The following CCDC60 variants were observed in gnomAD, a reference collection of about 807,000 sequenced individuals.
CCDC60 encodes coiled-coil domain containing 60.
CCDC60 carries 54 observed loss-of-function variants against 63.5 expected under a neutral mutation model. The ratio of observed to expected loss-of-function variants is 0.85; its 90% CI spans 0.68 to 1.07. The LOEUF (loss-of-function observed/expected upper bound fraction) is 1.07, where lower values mean the gene tolerates loss of function less well. Ranked by LOEUF, CCDC60 falls within the 50% of genes least tolerant of loss-of-function variation. The pLI, the probability that CCDC60 is intolerant of heterozygous loss-of-function variation, is 0.00. For synonymous variants in CCDC60, 206 were observed against 238.8 expected (o/e 0.86, Z 1.27); for missense variants, 651 against 684.3 (o/e 0.95, Z 0.54).
At chr12:119,444,965 A>T (rs1215006226) in intron 2 of CCDC60, among the ~76,000 whole-genome samples, 2 of 152,152 alleles carry the variant, frequency 1.3e-5, no homozygotes, top group Non-Finnish European at 2.9e-5. Flanking sequence ...ATAGTACATA[A>T]AGCATTTTAA....
At chr12:119,500,496 C>T (rs1030793193) in intron 6 of CCDC60, among the ~76,000 whole-genome samples, 2 of 151,670 alleles carry the variant, frequency 1.3e-5, no homozygotes, top group Non-Finnish European at 2.9e-5. Context: ...ATTTCTTTCT[C>T]CTTCTCCCTC....
intron 1 of CCDC60, among the ~76,000 whole-genome samples, chr12:119,393,588 T>G (rs538526431): frequency 6.6e-6 from 1 of 152,302 alleles, no homozygotes; most frequent in African/African-American, 2.4e-5. Flanking sequence ...ACTTTTGAAA[T>G]GTACATGGAA....
At chr12:119,506,438 C>CAAAA (rs35584778) in intron 7 of CCDC60, among the ~76,000 whole-genome samples, 2 of 87,386 alleles carry the variant, frequency 2.3e-5, no homozygotes, top group South Asian at 8.2e-4. Context: ...CCTCATCTCT[C>CAAAA]AAAAAAAAAA....
At chr12:119,395,815 T>C (rs1013632438) in intron 1 of CCDC60, among the ~76,000 whole-genome samples, 3 of 152,224 alleles carry the variant, frequency 2.0e-5, no homozygotes, top group African/African-American at 7.2e-5. Context: ...GAAGCTCTCA[T>C]GTTCCATGTC....
At chr12:119,421,844 A>T (rs917059474) in intron 1 of CCDC60, among the ~76,000 whole-genome samples, 4 of 152,210 alleles carry the variant, frequency 2.6e-5, no homozygotes, top group African/African-American at 9.7e-5. Context: ...CTCAGCTGTC[A>T]GGTTAAACCA....
chr12:119,431,862 G>A (rs1259440745), intron 2 of CCDC60, among the ~76,000 whole-genome samples: 1 of 152,044 alleles, frequency 6.6e-6, no homozygotes, highest in Non-Finnish European at 1.5e-5. Flanking sequence ...TGTATTTTTA[G>A]TAGAGACGGA....
intron 1 of CCDC60, among the ~76,000 whole-genome samples, chr12:119,405,735 A>G (rs1042528226): frequency 6.6e-6 from 1 of 152,102 alleles, no homozygotes; most frequent in East Asian, 1.9e-4. Context: ...TTCTTAGTTT[A>G]TGCATTTAAA....
At chr12:119,460,587 C>G (rs1950837769) in intron 2 of CCDC60, among the ~76,000 whole-genome samples, 1 of 152,228 alleles carries the variant, frequency 6.6e-6, no homozygotes. Context: ...CTTCGCTGAG[C>G]TAGGCTAGAA....
At chr12:119,349,619 G>A (rs1027495407) in intron 1 of CCDC60, among the ~76,000 whole-genome samples, 12 of 150,942 alleles carry the variant, frequency 8.0e-5, no homozygotes, top group Non-Finnish European at 1.5e-4. Flanking sequence ...GATTATAGGC[G>A]TGAGCCACTG....
chr12:119,517,376 C>T (rs1321995979), intron 8 of CCDC60, among the ~76,000 whole-genome samples: 1 of 152,142 alleles, frequency 6.6e-6, no homozygotes, highest in African/African-American at 2.4e-5. Context: ...GTTATTCATT[C>T]CTCCTTTGAG....
chr12:119,509,485 C>G (rs1437821875), intron 7 of CCDC60, among the ~76,000 whole-genome samples: 1 of 152,084 alleles, frequency 6.6e-6, no homozygotes, highest in African/African-American at 2.4e-5. Flanking sequence ...GGCCTGCAAC[C>G]CTGAATGACA....
At chr12:119,403,821 C>T (rs1428673695) in intron 1 of CCDC60, among the ~76,000 whole-genome samples, 1 of 152,226 alleles carries the variant, frequency 6.6e-6, no homozygotes, top group African/African-American at 2.4e-5. Flanking sequence ...TTCCTCCTTC[C>T]TCTTCTTTTA....
chr12:119,450,848 C>T (rs929229238), intron 2 of CCDC60, among the ~76,000 whole-genome samples: 5 of 130,902 alleles, frequency 3.8e-5, no homozygotes, highest in Non-Finnish European at 6.3e-5. Context: ...CAGAGCAAGA[C>T]TCCATCTCAA....
At chr12:119,390,601 A>C (rs2136196764) in intron 1 of CCDC60, among the ~76,000 whole-genome samples, 1 of 152,356 alleles carries the variant, frequency 6.6e-6, no homozygotes, top group Non-Finnish European at 1.5e-5. Context: ...TAATGATGCC[A>C]AGATGAGTTC....
chr12:119,537,245 G>T (rs1953030040), intron 13 of CCDC60, among the ~76,000 whole-genome samples: 1 of 152,122 alleles, frequency 6.6e-6, no homozygotes. Flanking sequence ...CTTGTGCCTT[G>T]GTTTTCAGCT....
chr12:119,400,073 G>A (rs1417716337), intron 1 of CCDC60, among the ~76,000 whole-genome samples: 11 of 135,866 alleles, frequency 8.1e-5, no homozygotes, highest in South Asian at 2.4e-4. Flanking sequence ...TTTTTGAGAC[G>A]GAGTCTCACT....
rs1306582925 is a variant in CCDC60 at position 119,512,414 on chromosome 12, C to A, written c.884-4209C>A. Among the ~76,000 whole-genome samples, 3 of 152,274 alleles carry A rather than the reference C, an allele frequency of 2.0e-5. No homozygotes were observed. The South Asian group carries it at 6.2e-4, about 32-fold the overall frequency. On this transcript the variant is annotated intron_variant, in intron 7 of 13. Coordinates refer to ENST00000327554, the MANE Select transcript of CCDC60 (RefSeq NM_178499.5). ...CAATAAAAAGACAAATAAAATGTGG[C>A]CCCTGACATCAAGGAACTCACAGCC...
Position 119,410,545 on chromosome 12 carries a change from C to T in CCDC60, c.91-18138C>T, listed in dbSNP as rs374794599. ...CTCCTGCCTCGTGACATCAGGAAAA[C>T]CTTCATCACCACACCCCAATACACA... On this transcript the variant is annotated intron_variant, in intron 1 of 13. Coordinates refer to ENST00000327554, the MANE Select transcript of CCDC60 (RefSeq NM_178499.5). This position sits in a 1 kb window ranked among gnomAD's most constrained non-coding sequence, Gnocchi z 4.0. Among the ~76,000 whole-genome samples, 4 of 151,714 alleles carry T rather than the reference C, an allele frequency of 2.6e-5. No homozygotes were observed. Among genetic ancestry groups the T allele is most frequent in the Admixed American group, 2.0e-4 (3 of 15,218 alleles).
intron 4 of CCDC60, among the ~76,000 whole-genome samples, chr12:119,479,912 C>T (rs906089340): frequency 2.0e-5 from 3 of 151,484 alleles, no homozygotes; most frequent in Admixed American, 6.6e-5. Context: ...CCACTAGATA[C>T]CAGTGTTGAC....
Sources: gnomAD v4.1 joint callset for allele counts (sites outside exome capture counted in the v4.1 genomes callset) on GRCh38, gnomAD v4.1.1 for gene constraint, Gnocchi (gnomAD v3.1) non-coding constraint, MANE v1.5 for transcripts, NCBI Gene and HGNC (gene_info 2026-07-23, HGNC 2026-07-21) for gene names.